The following NCOA2 variants were observed in gnomAD, a reference collection of about 807,000 sequenced individuals.
NCOA2 encodes nuclear receptor coactivator 2.
A neutral mutation model predicts 145.1 loss-of-function variants in NCOA2; 21 were observed. The ratio of observed to expected loss-of-function variants is 0.14; its 90% CI spans 0.10 to 0.21. The LOEUF is 0.21. Among genes scored for constraint, NCOA2 ranks in the 10% least tolerant of loss-of-function variants. NCOA2 has a pLI of 1.00. For synonymous variants in NCOA2, 619 were observed against 637.5 expected (o/e 0.97, Z 0.44); for missense variants, 1,472 against 1,837.6 (o/e 0.80, Z 3.64).
chr8:70,110,804 T>G lies in NCOA2; in HGVS notation c.*2828A>C, dbSNP rs1806472413. The G allele has an allele frequency of 4.4e-6, 1 of 225,152 alleles. No individual in the cohort carries two copies. The highest frequency in any genetic ancestry group is 2.2e-5 in the African/African-American group (1 of 44,916). The allele number at this position is 225,152 out of a possible 1,614,324, so 13.9% of individuals were successfully genotyped here. Reference sequence around the variant, plus strand: ...ATTCATTGTAGTAAAACAGCTCACTTCACTTTTTAAACTTACCACATTACA... The same window carrying G: ...ATTCATTGTAGTAAAACAGCTCACTGCACTTTTTAAACTTACCACATTACA... On this transcript the variant is annotated 3_prime_UTR_variant, in exon 23 of 23. Coordinates refer to ENST00000452400, the MANE Select transcript of NCOA2 (RefSeq NM_006540.4).
At chr8:70,359,984 A>T (rs1422356367) in intron 1 of NCOA2, among the ~76,000 whole-genome samples, 12 of 152,132 alleles carry the variant, frequency 7.9e-5, no homozygotes, top group Admixed American at 3.3e-4. Flanking sequence ...CCTAGGCTCT[A>T]AGTTTTGCTG....
chr8:70,399,959 G>A (rs1814074745), intron 1 of NCOA2, among the ~76,000 whole-genome samples: 1 of 152,166 alleles, frequency 6.6e-6, no homozygotes, highest in African/African-American at 2.4e-5. Context: ...GGCATATAAT[G>A]GAAGGACTGC....
intron 1 of NCOA2, among the ~76,000 whole-genome samples, chr8:70,309,735 GAAC>G (rs1563749383): frequency 1.3e-5 from 2 of 151,990 alleles, no homozygotes; most frequent in Non-Finnish European, 2.9e-5. Flanking sequence ...AGGATTGCTT[GAAC>G]CTAGGAGTTC....
In NCOA2 at chr8:70,156,307, C is replaced by T; in HGVS notation, c.2058G>A (p.Lys686=). 1.2e-6 allele frequency: 2 copies of T among 1,613,904 alleles called. No homozygotes were observed. Among genetic ancestry groups the T allele is most frequent in the South Asian group, 2.2e-5 (2 of 91,072 alleles). Residue 686 remains lysine (K), a synonymous_variant, in exon 11 of 23, where the codon AAG becomes AAA. Coordinates refer to ENST00000452400, the MANE Select transcript of NCOA2 (RefSeq NM_006540.4). ...GSTHGTSLKE[K]HKILHRLLQD... Reference sequence around the variant, plus strand: ...GCAAGAGTCTGTGCAAAATTTTATGCTTCTCCTTGAGCGAGGTTCCATGTG... The same window carrying T: ...GCAAGAGTCTGTGCAAAATTTTATGTTTCTCCTTGAGCGAGGTTCCATGTG...
intron 15 of NCOA2, among the ~76,000 whole-genome samples, chr8:70,137,106 C>G (rs1809816727): frequency 6.6e-6 from 1 of 152,218 alleles, no homozygotes; most frequent in Non-Finnish European, 1.5e-5. Context: ...ACGGTGCGGT[C>G]TCAGCTCACC....
At chr8:70,323,465 A>G (rs1806272053) in intron 1 of NCOA2, among the ~76,000 whole-genome samples, 1 of 152,236 alleles carries the variant, frequency 6.6e-6, no homozygotes, top group African/African-American at 2.4e-5. Flanking sequence ...CTGACAGTGA[A>G]AAGCAGATTT....
chr8:70,159,783 ATAAG>A, intron 9 of NCOA2, 131 bp from the exon 10 acceptor site: 2 of 754,730 alleles, frequency 2.6e-6, no homozygotes, highest in East Asian at 2.8e-5. Flanking sequence ...GTAAAGAGTT[ATAAG>A]TAATACTTTA....
At chr8:70,435,208 G>A in the NCOA2 span, among the ~76,000 whole-genome samples, 7 of 151,234 alleles carry the variant, frequency 4.6e-5, no homozygotes, top group East Asian at 1.4e-3. Flanking sequence ...GGCGGATCAC[G>A]AGGTCAGGAG....
At chr8:70,116,203 A>AAAAAAG (rs2131220788) in intron 22 of NCOA2, among the ~76,000 whole-genome samples, 1 of 151,020 alleles carries the variant, frequency 6.6e-6, no homozygotes, top group South Asian at 2.1e-4. Context: ...AAAAAAAAAA[A>AAAAAAG]AAAAGGATGA....
At chr8:70,451,355 C>T in the NCOA2 span, among the ~76,000 whole-genome samples, 1 of 139,984 alleles carries the variant, frequency 7.1e-6, no homozygotes, top group Non-Finnish European at 1.5e-5. Context: ...CTGCAGTGAG[C>T]CATGATCACC....
intron 6 of NCOA2, among the ~76,000 whole-genome samples, chr8:70,167,509 C>A (rs1444205434): frequency 6.6e-6 from 1 of 152,220 alleles, no homozygotes; most frequent in Non-Finnish European, 1.5e-5. Context: ...CTCCCCCATA[C>A]TGCCTCCTTG....
chr8:70,124,813 G>A lies in NCOA2; in HGVS notation c.3969C>T (p.Ser1323=), dbSNP rs544558098. Residue 1323 remains serine, a synonymous_variant, in exon 20 of 23, where the codon AGC becomes AGT. Coordinates refer to ENST00000452400, the MANE Select transcript of NCOA2 (RefSeq NM_006540.4). ...PGFTGATTPQ[S]PLMSPRMAHT... Reference sequence around the variant, plus strand: ...GTGCCATTCGGGGTGACATAAGTGGGCTCTGGGGAGTCGTAGCCCCAGTAA... The same window carrying A: ...GTGCCATTCGGGGTGACATAAGTGGACTCTGGGGAGTCGTAGCCCCAGTAA... 2 of 1,613,136 alleles carry A rather than the reference G, an allele frequency of 1.2e-6. No homozygotes were observed. The highest frequency in any genetic ancestry group is 2.2e-5 in the East Asian group (1 of 44,842).
chr8:70,124,694 C>T lies in NCOA2; in HGVS notation c.4088G>A (p.Gly1363Glu). 1 of 1,603,002 alleles carries T rather than the reference C, an allele frequency of 6.2e-7. No homozygotes were observed. Among genetic ancestry groups the T allele is most frequent in the Non-Finnish European group, 8.5e-7 (1 of 1,176,098 alleles). ...INGWAQGNMG[G>E]NSMFSQQSPP... The stretch of plus-strand genomic sequence containing the variant: ...GAGAAGGATTTGCGGTTACCTGTTT[C>T]CGCCCATGTTCCCCTGCGCCCATCC... The change falls in exon 20 of 23, where the codon GGA becomes GAA. Residue 1363 changes from glycine to glutamate, a missense_variant. Around this residue, in one of 4 missense-constraint regions of NCOA2, gnomAD observed 232 missense variants for 290.6 expected, o/e 0.80. Transcript: ENST00000452400.
chr8:70,451,217 C>CAAAAAAA, the NCOA2 span, among the ~76,000 whole-genome samples: 4 of 65,332 alleles, frequency 6.1e-5, no homozygotes, highest in Admixed American at 2.3e-4. Flanking sequence ...GACTCCGTCT[C>CAAAAAAA]AAAAAAAAAA....
chr8:70,201,193 T>C (rs1342714433), intron 4 of NCOA2, among the ~76,000 whole-genome samples: 2 of 151,860 alleles, frequency 1.3e-5, no homozygotes, highest in South Asian at 2.1e-4. Flanking sequence ...TAAAGGATAA[T>C]TGGTATTTAG....
the NCOA2 span, among the ~76,000 whole-genome samples, chr8:70,436,217 G>A: frequency 1.3e-5 from 2 of 152,062 alleles, no homozygotes; most frequent in Non-Finnish European, 2.9e-5. Context: ...ATGCCCAGAC[G>A]TTGATTATTT....
At chr8:70,391,186 A>G (rs1415444798) in intron 1 of NCOA2, among the ~76,000 whole-genome samples, 1 of 152,252 alleles carries the variant, frequency 6.6e-6, no homozygotes, top group East Asian at 1.9e-4. Flanking sequence ...CAAGTATTCA[A>G]GAAACTGAAG....
intron 20 of NCOA2, 124 bp downstream of exon 20, chr8:70,124,564 G>T: frequency 1.0e-6 from 1 of 986,932 alleles, no homozygotes; most frequent in Non-Finnish European, 1.4e-6. Flanking sequence ...TGACCTAGAA[G>T]CCATCCTTTA....
the NCOA2 span, among the ~76,000 whole-genome samples, chr8:70,434,477 AAC>A: frequency 6.6e-6 from 1 of 152,198 alleles, no homozygotes; most frequent in African/African-American, 2.4e-5. Context: ...GAAAAGAAAA[AAC>A]ACAGCATGAA....
Sources: gnomAD v4.1 joint callset for allele counts (sites outside exome capture counted in the v4.1 genomes callset) on GRCh38, gnomAD v4.1.1 for gene constraint, gnomAD v4.1.1 regional missense constraint, MANE v1.5 for transcripts, NCBI Gene and HGNC (gene_info 2026-07-23, HGNC 2026-07-21) for gene names.